Variants in POR observed in about 807,000 individuals in gnomAD.
POR encodes the protein cytochrome p450 oxidoreductase.
POR carries 56 observed loss-of-function variants against 84.0 expected under a neutral mutation model. That is an observed-to-expected ratio of 0.67 (90% CI 0.54 to 0.83). The LOEUF (loss-of-function observed/expected upper bound fraction) is 0.83, where lower values mean the gene tolerates loss of function less well. Among genes scored for constraint, POR ranks in the 40% least tolerant of loss-of-function variants. POR has a pLI of 0.00. For synonymous variants in POR, 414 were observed against 400.5 expected (o/e 1.03, Z -0.40); for missense variants, 938 against 944.3 (o/e 0.99, Z 0.09).
chr7:75,922,306 G>C (rs1007581038), intron 1 of POR, among the ~76,000 whole-genome samples: 4 of 151,518 alleles, frequency 2.6e-5, no homozygotes, highest in Non-Finnish European at 5.9e-5. Flanking sequence ...GTCAAAATTG[G>C]GTCTGATCTG....
chr7:75,939,354 G>T (rs1471267174), intron 1 of POR, among the ~76,000 whole-genome samples: 2 of 152,184 alleles, frequency 1.3e-5, no homozygotes, highest in African/African-American at 4.8e-5. Flanking sequence ...CGGAGCCCTC[G>T]TGCGGGTTCC....
intron 2 of POR, among the ~76,000 whole-genome samples, chr7:75,971,646 C>T (rs969311976): frequency 2.6e-5 from 4 of 152,034 alleles, no homozygotes; most frequent in Non-Finnish European, 5.9e-5. Context: ...GTCCCAGGAA[C>T]GCAGAGAAGG....
intron 3 of POR, among the ~76,000 whole-genome samples, chr7:75,977,000 G>A (rs1230007783): frequency 4.6e-5 from 7 of 151,940 alleles, no homozygotes; most frequent in Admixed American, 2.6e-4. Flanking sequence ...ATAGGCATGC[G>A]CCACCACACC....
At chr7:75,975,994 A>G (rs782243813) in intron 3 of POR, among the ~76,000 whole-genome samples, 1 of 151,952 alleles carries the variant, frequency 6.6e-6, no homozygotes, top group Non-Finnish European at 1.5e-5. Context: ...CTCTAGTGAC[A>G]TAAATAGAGC....
intron 1 of POR, among the ~76,000 whole-genome samples, chr7:75,934,621 C>G (rs1554550582): frequency 6.6e-6 from 1 of 152,158 alleles, no homozygotes; most frequent in African/African-American, 2.4e-5. Context: ...TTCCCGGCAG[C>G]CCCTCCCATT....
chr7:75,953,868 G>A (rs1787560656), intron 1 of POR, 121 bp from the exon 2 acceptor site: 5 of 741,910 alleles, frequency 6.7e-6, no homozygotes, highest in African/African-American at 5.3e-5. Context: ...CTCCTACCCC[G>A]TGCAGTGACC....
chr7:75,985,439 A>AG (rs1789378269), intron 12 of POR, 140 bp from the exon 13 acceptor site: 3 of 1,183,640 alleles, frequency 2.5e-6, no homozygotes, highest in Non-Finnish European at 3.4e-6. Flanking sequence ...GCCGCTGGGG[A>AG]GGGGGCCTCT....
intron 2 of POR, among the ~76,000 whole-genome samples, chr7:75,959,519 G>A (rs140537176): frequency 1.2e-4 from 19 of 152,182 alleles, no homozygotes; most frequent in Non-Finnish European, 1.8e-4. Context: ...GCTATGGCGC[G>A]ATATCAGTTC....
chr7:75,917,586 A>G (rs1554548217), intron 1 of POR, among the ~76,000 whole-genome samples: 1 of 151,566 alleles, frequency 6.6e-6, no homozygotes, highest in Non-Finnish European at 1.5e-5. Flanking sequence ...TATATGTCAG[A>G]CTCACTTAAA....
intron 1 of POR, among the ~76,000 whole-genome samples, chr7:75,929,751 C>T (rs1485175632): frequency 2.6e-5 from 4 of 152,204 alleles, no homozygotes; most frequent in Non-Finnish European, 5.9e-5. Flanking sequence ...CCTGTTGGAC[C>T]GAAGGAAGCC....
At chr7:75,983,675 G>C in intron 9 of POR, 39 bp downstream of exon 9, 2 of 1,608,516 alleles carry the variant, frequency 1.2e-6, no homozygotes, top group Non-Finnish European at 1.7e-6. Flanking sequence ...CCCTCACTCT[G>C]GGCCTCCTGA....
rs185978055 is a variant in POR, at chr7:75,977,636, A to C, written c.238-1815A>C. Among the ~76,000 whole-genome samples the C allele has an allele frequency of 2.1e-3, 324 of 152,174 alleles. 2 individuals are homozygous for C. Among genetic ancestry groups the C allele is most frequent in the African/African-American group, 7.6e-3 (317 of 41,546 alleles). On this transcript the variant is annotated intron_variant, in intron 3 of 15. Transcript: ENST00000461988. ...ACTAAAAATTCAAAAAAATTAGCCT[A>C]GCATAGTGGTGGGTGCCTGTAATCC...
chr7:75,943,025 C>T (rs1225015934), intron 1 of POR, among the ~76,000 whole-genome samples: 4 of 151,394 alleles, frequency 2.6e-5, no homozygotes, highest in Non-Finnish European at 4.4e-5. Context: ...GATCTCGGCT[C>T]ATTACAACCT....
intron 2 of POR, among the ~76,000 whole-genome samples, chr7:75,955,751 AGTG>A (rs759524500): frequency 7.9e-5 from 12 of 152,188 alleles, no homozygotes; most frequent in Non-Finnish European, 1.5e-4. Flanking sequence ...TGCTGACACC[AGTG>A]GGGGCCATCT....
At chr7:75,982,123 C>CACCCCAA in intron 7 of POR, 101 bp from the exon 8 acceptor site, 1 of 832,960 alleles carries the variant, frequency 1.2e-6, no homozygotes, top group East Asian at 2.7e-5. Context: ...CCTGGGACCT[C>CACCCCAA]ACCCCAAAGG....
In POR at chr7:75,986,066, A is replaced by C; in HGVS notation, c.1813A>C (p.Lys605Gln). 1 of 1,562,666 alleles carries C rather than the reference A, an allele frequency of 6.4e-7. No homozygotes were observed. Among genetic ancestry groups the C allele is most frequent in the Non-Finnish European group, 8.7e-7 (1 of 1,154,464 alleles). The change falls in exon 14 of 16, where the codon AAG (lysine) becomes CAG (glutamine). Residue 605 changes from lysine to glutamine, a missense_variant and splice_region_variant. Coordinates refer to ENST00000461988, the MANE Select transcript of POR (RefSeq NM_000941.3). ...GGCCTTCTCCCGGGAGCAGTCCCAC[A>C]AGGTGAGACGGGCGGGCACCCACGA... is the stretch of plus-strand genomic sequence containing the variant.
At chr7:75,964,005 C>G (rs536181842) in intron 2 of POR, among the ~76,000 whole-genome samples, 7 of 145,574 alleles carry the variant, frequency 4.8e-5, no homozygotes, top group African/African-American at 1.8e-4. Flanking sequence ...TTCTTTCTTT[C>G]TTTTTTTTTT....
At chr7:75,985,287 G>C (rs1789361685) in intron 12 of POR, 80 bp downstream of exon 12, 1 of 1,445,050 alleles carries the variant, frequency 6.9e-7, no homozygotes, top group Non-Finnish European at 9.2e-7. Flanking sequence ...AGGCGGCACA[G>C]GAGCTCCGAG....
intron 1 of POR, chr7:75,915,770 A>G (rs1554547994): frequency 6.6e-6 from 1 of 152,048 alleles, no homozygotes; most frequent in Admixed American, 6.6e-5. Context: ...CAACACAGGT[A>G]CCCGGATCTC....
Sources: gnomAD v4.1 joint callset for allele counts (sites outside exome capture counted in the v4.1 genomes callset) on GRCh38, gnomAD v4.1.1 for gene constraint, MANE v1.5 for transcripts, NCBI Gene and HGNC (gene_info 2026-07-23, HGNC 2026-07-21) for gene names.